COG5: variants seen among roughly 807,000 people sequenced by gnomAD.
COG5 encodes the protein conserved oligomeric Golgi complex subunit 5.
A neutral mutation model predicts 110.4 loss-of-function variants in COG5; 86 were observed. That is an observed-to-expected ratio of 0.78 (90% CI 0.65 to 0.93). COG5 has a LOEUF of 0.93. Ranked by LOEUF, COG5 falls within the 40% of genes least tolerant of loss-of-function variation. The pLI is 0.00. For synonymous variants in COG5, 360 were observed against 334.6 expected (o/e 1.08, Z -0.83); for missense variants, 1,077 against 987.0 (o/e 1.09, Z -1.22).
intron 8 of COG5, among the ~76,000 whole-genome samples, chr7:107,370,636 A>T (rs191752061): frequency 2.2e-3 from 335 of 152,072 alleles, no homozygotes; most frequent in Non-Finnish European, 4.4e-3. Flanking sequence ...AAATATAAAA[A>T]TTAGCTGGGC....
chr7:107,288,913 T>C (rs1476534055), intron 12 of COG5, among the ~76,000 whole-genome samples: 62 of 5,808 alleles, frequency 0.011, no homozygotes, highest in African/African-American at 0.049. Flanking sequence ...CAGAGATATA[T>C]ATATATATAT....
intron 6 of COG5, among the ~76,000 whole-genome samples, chr7:107,419,049 T>C (rs888700742): frequency 6.6e-6 from 1 of 152,198 alleles, no homozygotes; most frequent in East Asian, 1.9e-4. Flanking sequence ...TTTAATCATA[T>C]TTAAGTAGAG....
chr7:107,413,289 C>T (rs1436348904), intron 6 of COG5, among the ~76,000 whole-genome samples: 1 of 151,862 alleles, frequency 6.6e-6, no homozygotes, highest in Admixed American at 6.6e-5. Flanking sequence ...AGCTGGGCCC[C>T]AGTATTTTTA....
chr7:107,432,178 T>C (rs1489951415), intron 6 of COG5, among the ~76,000 whole-genome samples: 1 of 152,204 alleles, frequency 6.6e-6, no homozygotes, highest in African/African-American at 2.4e-5. Flanking sequence ...TGTGTTTGAA[T>C]GCTTTGGCAT....
At chr7:107,493,754 A>G (rs1217342577) in intron 6 of COG5, among the ~76,000 whole-genome samples, 1 of 152,160 alleles carries the variant, frequency 6.6e-6, no homozygotes, top group Non-Finnish European at 1.5e-5. Context: ...CACATGCAAC[A>G]TCTAGAATCT....
At chr7:107,301,362 A>T (rs535057573) in intron 11 of COG5, among the ~76,000 whole-genome samples, 2 of 152,198 alleles carry the variant, frequency 1.3e-5, no homozygotes, top group Admixed American at 6.5e-5. Context: ...ATATCTGATG[A>T]AGCACTTTTA....
chr7:107,426,231 A>G (rs1451359085), intron 6 of COG5, among the ~76,000 whole-genome samples: 8 of 152,208 alleles, frequency 5.3e-5, no homozygotes, highest in Non-Finnish European at 1.0e-4. Flanking sequence ...AGACACTGTT[A>G]TAAGAACCTG....
At chr7:107,324,013 C>T (rs371797497) in intron 11 of COG5, among the ~76,000 whole-genome samples, 106 of 152,206 alleles carry the variant, frequency 7.0e-4, no homozygotes, top group Middle Eastern at 3.4e-3. Flanking sequence ...GATATTTCAC[C>T]TGTTTATTCA....
intron 11 of COG5, among the ~76,000 whole-genome samples, chr7:107,323,205 C>T (rs12531187): frequency 2.0e-5 from 3 of 152,050 alleles, no homozygotes; most frequent in Non-Finnish European, 2.9e-5. Flanking sequence ...GATATTTATT[C>T]CCTCCCAAAA....
At chr7:107,315,062 T>A (rs1400695360) in intron 11 of COG5, among the ~76,000 whole-genome samples, 1 of 152,086 alleles carries the variant, frequency 6.6e-6, no homozygotes, top group Non-Finnish European at 1.5e-5. Flanking sequence ...TAAATGAGTA[T>A]ATTAGGTTTA....
In COG5 at chr7:107,295,062, C is replaced by T. The variant is rs1383899496; in HGVS notation, c.1313+3080G>A. 5.4e-3 allele frequency among the ~76,000 whole-genome samples: 300 copies of T among 56,024 alleles called. 1 individual carries two copies. The highest frequency in any genetic ancestry group is 0.022 in the East Asian group (39 of 1,778). The allele number at this position is 56,024 out of a possible 152,430, so 36.8% of individuals were successfully genotyped here. ...ATACACACACACACACACACACACA[C>T]ACACATATATATATATATATATATA... is the stretch of plus-strand genomic sequence containing the variant. On this transcript the variant is annotated intron_variant, in intron 12 of 21. Coordinates refer to ENST00000297135, the MANE Select transcript of COG5 (RefSeq NM_006348.5).
chr7:107,421,480 G>A lies in COG5; in HGVS notation c.539-8848C>T, dbSNP rs528456877. 3.9e-5 allele frequency among the ~76,000 whole-genome samples: 6 copies of A among 152,182 alleles called. No homozygotes were observed. The South Asian group carries it at 1.2e-3, about 32-fold the overall frequency. On this transcript the variant is annotated intron_variant, in intron 6 of 21. Transcript: ENST00000297135. ...CAAAACAAACCTTATAAATGTAAAA[G>A]AATTGAAATAATACAAAGTATGTTC...
At chr7:107,275,125 C>G (rs780958644) in intron 14 of COG5, among the ~76,000 whole-genome samples, 2 of 151,796 alleles carry the variant, frequency 1.3e-5, no homozygotes, top group Non-Finnish European at 2.9e-5. Context: ...TGAAGTAATC[C>G]TAAAATAGTC....
chr7:107,433,623 T>A (rs1485134299), intron 6 of COG5, among the ~76,000 whole-genome samples: 1 of 152,146 alleles, frequency 6.6e-6, no homozygotes, highest in Non-Finnish European at 1.5e-5. Flanking sequence ...GATATCCATA[T>A]GCCAAACAAT....
intron 5 of COG5, among the ~76,000 whole-genome samples, chr7:107,533,799 T>C (rs2129162574): frequency 6.6e-6 from 1 of 151,394 alleles, no homozygotes; most frequent in East Asian, 1.9e-4. Context: ...ACATTCAAAT[T>C]CAGGAAATAC....
chr7:107,318,333 G>A (rs1327742450), intron 11 of COG5, among the ~76,000 whole-genome samples: 3 of 152,016 alleles, frequency 2.0e-5, no homozygotes, highest in African/African-American at 4.8e-5. Flanking sequence ...GCCGCCAATG[G>A]CTTTTTTCTT....
intron 6 of COG5, chr7:107,472,133 C>T (rs1796671368): frequency 6.6e-6 from 1 of 151,976 alleles, no homozygotes; most frequent in South Asian, 2.1e-4. Context: ...TGAGGAAATT[C>T]CTCTTGGCCG....
chr7:107,241,900 G>T (rs1801670193), intron 17 of COG5, among the ~76,000 whole-genome samples: 1 of 151,992 alleles, frequency 6.6e-6, no homozygotes, highest in African/African-American at 2.4e-5. Context: ...CCTTGCCTTA[G>T]CTCCCCAAAG....
In COG5 at chr7:107,236,457, A is replaced by C. The variant is rs199526957; in HGVS notation, c.2084T>G (p.Phe695Cys). Residue 695 changes from phenylalanine to cysteine, a missense_variant, in exon 18 of 22, where the codon TTT becomes TGT. Transcript: ENST00000297135. ...EGGKMRLAAD[F>C]AQMELAVGPF... ...AGTAATTCATCAATGTACCTGTGCA[A>C]AATCAGCAGCAAGTCGCATTTTCCC... 1.9e-6 allele frequency: 3 copies of C among 1,613,232 alleles called. No homozygotes were observed. The highest frequency in any genetic ancestry group is 4.5e-5 in the East Asian group (2 of 44,880).
Sources: gnomAD v4.1 joint callset for allele counts (sites outside exome capture counted in the v4.1 genomes callset) on GRCh38, gnomAD v4.1.1 for gene constraint, MANE v1.5 for transcripts, NCBI Gene and HGNC (gene_info 2026-07-23, HGNC 2026-07-21) for gene names.